The following NIPBL variants were observed in gnomAD, a reference collection of about 807,000 sequenced individuals.
NIPBL encodes the protein nipped-B-like protein.
NIPBL carries 19 observed loss-of-function variants against 321.8 expected under a neutral mutation model. The ratio of observed to expected loss-of-function variants is 0.06; its 90% confidence interval spans 0.04 to 0.09. The LOEUF (loss-of-function observed/expected upper bound fraction) is 0.09, where lower values mean the gene tolerates loss of function less well. Ranked by LOEUF, NIPBL falls within the 10% of genes least tolerant of loss-of-function variation. The probability of loss-of-function intolerance (pLI) is 1.00; values close to 1 mark genes in which losing one functional copy is unlikely to be tolerated. For missense variants in NIPBL, 2,210 were observed against 3,327.0 expected, an observed-to-expected ratio of 0.66 and a Z score of 8.26; for synonymous variants, 1,106 against 1,114.1, an observed-to-expected ratio of 0.99 and a Z score of 0.14.
chr5:36,877,578 C>T (rs1477141967), intron 1 of NIPBL, among the ~76,000 whole-genome samples: 3 of 152,224 alleles, frequency 2.0e-5, no homozygotes, highest in Non-Finnish European at 4.4e-5. Context: ...CAACTAACAG[C>T]AAATGTGCCC....
At position 37,065,074 on chromosome 5, in the gene NIPBL, G is replaced by A; in HGVS notation, c.*182G>A. On this transcript the variant is annotated 3_prime_UTR_variant, in exon 47 of 47. Transcript: ENST00000282516. ...TGGGAGCTCCCTTCGCTGTTGTGCA[G>A]CAGAAACAGATTCTCAGTTCATTTT... 1 of 661,734 alleles carries A rather than the reference G, an allele frequency of 1.5e-6. No homozygotes were observed. The highest frequency in any genetic ancestry group is 2.6e-6 in the Non-Finnish European group (1 of 389,290). 41.0% of individuals were successfully genotyped at this position (661,734 alleles called of 1,614,324 possible).
intron 4 of NIPBL, among the ~76,000 whole-genome samples, chr5:36,959,843 A>AGT (rs1741408330): frequency 6.6e-6 from 1 of 152,008 alleles, no homozygotes; most frequent in Non-Finnish European, 1.5e-5. Flanking sequence ...TGTATACCCT[A>AGT]CTTTGTAAAA....
At chr5:36,878,499 A>G (rs1281548704) in intron 1 of NIPBL, among the ~76,000 whole-genome samples, 4 of 152,164 alleles carry the variant, frequency 2.6e-5, no homozygotes, top group African/African-American at 7.2e-5. Flanking sequence ...ACGTTTTGAT[A>G]TTTTGTTTCA....
chr5:37,015,417 C>T (rs1159639168), intron 22 of NIPBL, among the ~76,000 whole-genome samples: 2 of 152,182 alleles, frequency 1.3e-5, no homozygotes, highest in African/African-American at 4.8e-5. Flanking sequence ...AGCCACTGCG[C>T]CCAGCCCAGC....
In NIPBL at chr5:37,002,669, T is replaced by A. The variant is rs1746957973; in HGVS notation, c.3672T>A (p.Asp1224Glu). 1 of 1,604,796 alleles carries A rather than the reference T, an allele frequency of 6.2e-7. No homozygotes were observed. ...EDMDFTAFGD[D>E]DEIPQELLLG... ...TTTGGCTTGATTTTGCAGGTGATGA[T>A]GATGAAATTCCTCAGGAACTGCTCT... The change falls in exon 15 of 47, where the codon GAT becomes GAA. Residue 1224 changes from aspartate (D) to glutamate (E), a missense_variant. By Grantham distance (45) the Asp-to-Glu change is conservative (BLOSUM62 2). Transcript: ENST00000282516.
At chr5:36,922,918 T>C (rs543823671) in intron 1 of NIPBL, among the ~76,000 whole-genome samples, 2 of 152,222 alleles carry the variant, frequency 1.3e-5, no homozygotes, top group Middle Eastern at 6.8e-3. Flanking sequence ...TAAGGTCCTT[T>C]CCAGTATTAT....
intron 9 of NIPBL, among the ~76,000 whole-genome samples, chr5:36,980,528 A>G (rs1371487942): frequency 6.6e-6 from 1 of 151,514 alleles, no homozygotes; most frequent in Non-Finnish European, 1.5e-5. Flanking sequence ...TACCTTTTTT[A>G]TGTTTAGATA....
At chr5:36,906,588 CGAAGT>C (rs1199938780) in intron 1 of NIPBL, among the ~76,000 whole-genome samples, 1 of 152,080 alleles carries the variant, frequency 6.6e-6, no homozygotes, top group Non-Finnish European at 1.5e-5. Context: ...ACTTGCAAAA[CGAAGT>C]GAAGTGAAAA....
Position 36,985,939 on chromosome 5 carries a change from G to A in NIPBL, c.2759G>A (p.Arg920Lys), listed in dbSNP as rs1316957204. 1 of 1,613,946 alleles carries A rather than the reference G, an allele frequency of 6.2e-7. No individual in the cohort carries two copies. The highest frequency in any genetic ancestry group is 1.7e-5 in the Admixed American group (1 of 59,928). ...TCACCAACTAGTAAAGATGACAAAA[G>A]GACAGAGGGTAACAAGAGTAAAGTA... The part of the protein sequence containing the change: ...FKSPTSKDDK[R>K]TEGNKSKVDT... Residue 920 changes from arginine to lysine, a missense_variant, in exon 10 of 47, where the codon AGG becomes AAG. Physicochemically the swap from Arg to Lys is conservative, Grantham distance 26 (BLOSUM62 2). Around this residue, in one of 14 missense-constraint regions of NIPBL, gnomAD observed 588 missense variants for 564.1 expected, o/e 1.04. Coordinates refer to ENST00000282516, the MANE Select transcript of NIPBL (RefSeq NM_133433.4).
chr5:36,954,090 TG>T (rs1740689438), intron 2 of NIPBL, among the ~76,000 whole-genome samples: 1 of 152,228 alleles, frequency 6.6e-6, no homozygotes, highest in African/African-American at 2.4e-5. Flanking sequence ...TTTATTCTTT[TG>T]TTAGGCATTT....
chr5:36,899,682 C>G (rs1024786594), intron 1 of NIPBL, among the ~76,000 whole-genome samples: 2 of 152,106 alleles, frequency 1.3e-5, no homozygotes, highest in Non-Finnish European at 2.9e-5. Flanking sequence ...TGTATTTTAG[C>G]CCCAAAGTGA....
At chr5:36,929,194 T>C (rs1294254618) in intron 1 of NIPBL, among the ~76,000 whole-genome samples, 1 of 152,128 alleles carries the variant, frequency 6.6e-6, no homozygotes, top group Non-Finnish European at 1.5e-5. Context: ...ATTATGACAG[T>C]TTAATGGATG....
intron 1 of NIPBL, among the ~76,000 whole-genome samples, chr5:36,929,067 A>C (rs2149569542): frequency 6.6e-6 from 1 of 152,292 alleles, no homozygotes; most frequent in African/African-American, 2.4e-5. Context: ...ACTTTTTAAG[A>C]AACAGCCAAA....
Position 36,985,160 on chromosome 5 carries a change from A to G in NIPBL, c.1980A>G (p.Glu660=). ...AACAGAATGAGAGCAGAACAACTGA[A>G]TGCAAACAAAACGAGAGCACCATAG... ...ELKQNESRTT[E]CKQNESTIVE... Residue 660 remains glutamate, a synonymous_variant, in exon 10 of 47, where the codon GAA becomes GAG. Coordinates refer to ENST00000282516, the MANE Select transcript of NIPBL (RefSeq NM_133433.4). The G allele has an allele frequency of 6.2e-7, 1 of 1,613,992 alleles. No individual in the cohort carries two copies. Among genetic ancestry groups the G allele is most frequent in the East Asian group, 2.2e-5 (1 of 44,886 alleles).
At chr5:37,031,445 A>G (rs1213326707) in intron 32 of NIPBL, among the ~76,000 whole-genome samples, 3 of 152,206 alleles carry the variant, frequency 2.0e-5, no homozygotes, top group African/African-American at 7.2e-5. Flanking sequence ...AGTTTAAACC[A>G]CTACCATAAA....
chr5:36,962,621 G>C (rs1309014247), intron 6 of NIPBL, among the ~76,000 whole-genome samples: 1 of 152,120 alleles, frequency 6.6e-6, no homozygotes, highest in Admixed American at 6.5e-5. Context: ...ATTTTAATTG[G>C]TAAAGTAGAT....
intron 46 of NIPBL, 128 bp from the exon 47 acceptor site, chr5:37,064,399 C>T (rs866388853): frequency 1.4e-5 from 22 of 1,541,502 alleles, no homozygotes; most frequent in South Asian, 3.6e-5. Context: ...GTCTCATTGC[C>T]GGCAATGGAA....
intron 34 of NIPBL, among the ~76,000 whole-genome samples, chr5:37,039,821 T>C (rs1752129830): frequency 6.6e-6 from 1 of 152,060 alleles, no homozygotes; most frequent in Non-Finnish European, 1.5e-5. Flanking sequence ...TAAAGGATAA[T>C]AAATACCTAA....
intron 33 of NIPBL, among the ~76,000 whole-genome samples, chr5:37,038,115 G>A (rs1407134638): frequency 3.3e-5 from 5 of 150,802 alleles, no homozygotes; most frequent in Non-Finnish European, 5.9e-5. Context: ...TCGGCCTCCC[G>A]AGTAACTGAG....
Sources: gnomAD v4.1 joint callset for allele counts (sites outside exome capture counted in the v4.1 genomes callset) on GRCh38, gnomAD v4.1.1 for gene constraint, gnomAD v4.1.1 regional missense constraint, MANE v1.5 for transcripts, NCBI Gene and HGNC (gene_info 2026-07-23, HGNC 2026-07-21) for gene names.